The following SLC2A13 variants were observed in gnomAD, a reference collection of about 807,000 sequenced individuals.
SLC2A13 encodes proton myo-inositol cotransporter.
A neutral mutation model predicts 64.4 loss-of-function variants in SLC2A13; 32 were observed. The observed-to-expected ratio is 0.50, with a 90% CI of 0.37 to 0.67. SLC2A13 has a LOEUF of 0.67. Ranked by LOEUF, SLC2A13 falls within the 30% of genes least tolerant of loss-of-function variation. The probability of loss-of-function intolerance (pLI) is 0.00; values close to 1 mark genes in which losing one functional copy is unlikely to be tolerated. For missense variants in SLC2A13, 743 were observed against 829.2 expected (o/e 0.90, Z 1.28); for synonymous variants, 338 against 327.1 (o/e 1.03, Z -0.36).
At chr12:39,854,012 G>A (rs146185213) in intron 6 of SLC2A13, among the ~76,000 whole-genome samples, 1 of 151,954 alleles carries the variant, frequency 6.6e-6, no homozygotes, top group East Asian at 1.9e-4. Flanking sequence ...TCAATATGAG[G>A]GGCTTAAAAC....
At chr12:40,078,357 C>T (rs1389949443) in intron 1 of SLC2A13, among the ~76,000 whole-genome samples, 5 of 151,922 alleles carry the variant, frequency 3.3e-5, no homozygotes, top group East Asian at 1.9e-4. Context: ...TTTTTTTACA[C>T]GAAGGAATGT....
intron 6 of SLC2A13, among the ~76,000 whole-genome samples, chr12:39,863,227 T>A (rs1322770577): frequency 6.6e-6 from 1 of 152,144 alleles, no homozygotes; most frequent in African/African-American, 2.4e-5. Context: ...CCTTACATCA[T>A]AAGGATTAAC....
At chr12:40,046,869 C>T (rs1482213684) in intron 2 of SLC2A13, among the ~76,000 whole-genome samples, 1 of 151,952 alleles carries the variant, frequency 6.6e-6, no homozygotes, top group Admixed American at 6.6e-5. Context: ...AGTTTAATTC[C>T]CTGGGTCCAC....
At chr12:39,808,998 A>T (rs1942062341) in intron 7 of SLC2A13, among the ~76,000 whole-genome samples, 1 of 152,080 alleles carries the variant, frequency 6.6e-6, no homozygotes, top group East Asian at 1.9e-4. Context: ...GATGTCGCAA[A>T]GATTTCCTCC....
At chr12:39,898,832 T>A (rs1025272829) in intron 4 of SLC2A13, among the ~76,000 whole-genome samples, 1 of 152,142 alleles carries the variant, frequency 6.6e-6, no homozygotes, top group Non-Finnish European at 1.5e-5. Flanking sequence ...ACTTCACACA[T>A]TTTGGATGTT....
rs184118178 is a variant in SLC2A13 at position 40,043,415 on chromosome 12, A to T, written c.716+4636T>A. Among the ~76,000 whole-genome samples the T allele has an allele frequency of 1.4e-3, 207 of 152,176 alleles. 1 individual carries two copies. Among genetic ancestry groups the T allele is most frequent in the African/African-American group, 4.7e-3 (197 of 41,548 alleles). On this transcript the variant is annotated intron_variant, in intron 2 of 9. Transcript: ENST00000280871. ...GAAACTGAGGCAGGTGGCTCACTTG[A>T]GGTCAGGAGTTTGAGACCAGCCTGG...
chr12:40,105,131 TGGA>T lies in SLC2A13; in HGVS notation c.556+119_556+121del. On this transcript the variant is annotated intron_variant, in intron 1 of 9. Coordinates refer to ENST00000280871, the MANE Select transcript of SLC2A13 (RefSeq NM_052885.4). This position sits in a 1 kb window ranked among gnomAD's most constrained non-coding sequence, Gnocchi z 4.2. ...AGATGGGCTCTGGAGGCCAGAGAAGTGGAGGATTCTCTGACCCTGGGAGACCAG... is the reference window on the plus strand; with the variant it reads ...AGATGGGCTCTGGAGGCCAGAGAAGTGGATTCTCTGACCCTGGGAGACCAG... The T allele has an allele frequency of 7.9e-7, 1 of 1,272,182 alleles. No homozygotes were observed. Among genetic ancestry groups the T allele is most frequent in the Non-Finnish European group, 9.9e-7 (1 of 1,005,508 alleles). The allele number at this position is 1,272,182 out of a possible 1,614,324, so 78.8% of individuals were successfully genotyped here.
At position 39,911,797 on chromosome 12, in the gene SLC2A13, C is replaced by T. The variant is rs541073764; in HGVS notation, c.1034+39460G>A. On this transcript the variant is annotated intron_variant, in intron 4 of 9. Coordinates refer to ENST00000280871, the MANE Select transcript of SLC2A13 (RefSeq NM_052885.4). ...AGCTGGAAATTCAATGAGCCAAAGA[C>T]GGTGGGGGTATGTCTAAAAATTAGG... 1.2e-4 allele frequency among the ~76,000 whole-genome samples: 18 copies of T among 151,986 alleles called. 1 individual carries two copies. The highest frequency in any genetic ancestry group is 2.4e-4 in the African/African-American group (10 of 41,360).
At chr12:40,002,848 TA>T (rs34891399) in intron 3 of SLC2A13, among the ~76,000 whole-genome samples, 2,537 of 148,874 alleles carry the variant, frequency 0.017, 88 homozygotes, top group African/African-American at 0.058. Context: ...TATATTCCCC[TA>T]AAAAAAAAAA....
intron 3 of SLC2A13, among the ~76,000 whole-genome samples, chr12:39,988,107 A>G (rs530314271): frequency 6.6e-6 from 1 of 152,316 alleles, no homozygotes; most frequent in African/African-American, 2.4e-5. Flanking sequence ...AGATGTACAT[A>G]TCTTTGCATA....
At chr12:39,790,029 A>C (rs1941326976) in intron 7 of SLC2A13, among the ~76,000 whole-genome samples, 1 of 152,020 alleles carries the variant, frequency 6.6e-6, no homozygotes, top group African/African-American at 2.4e-5. Context: ...AGTTAATTTT[A>C]GTAATATATT....
At position 39,895,849 on chromosome 12, in the gene SLC2A13, TGTATATGCGTGTATATGCACAC is replaced by T. The variant is rs1565526634; in HGVS notation, c.1035-23910_1035-23889del. On this transcript the variant is annotated intron_variant, in intron 4 of 9. Coordinates refer to ENST00000280871, the MANE Select transcript of SLC2A13 (RefSeq NM_052885.4). ...ATATGCGTGTATATGCACACACATATGTATATGCGTGTATATGCACACACATATGTATATGCGTGTATATGCA... is the reference window on the plus strand; with the variant it reads ...ATATGCGTGTATATGCACACACATATACATATGTATATGCGTGTATATGCA... 1.6e-3 allele frequency among the ~76,000 whole-genome samples: 226 copies of T among 140,636 alleles called. 56 individuals are homozygous for T. The highest frequency in any genetic ancestry group is 0.014 in the East Asian group (52 of 3,846). 92.3% of individuals were successfully genotyped at this position (140,636 alleles called of 152,430 possible). A position where few individuals can be genotyped will look rare whatever the true frequency, so the allele number is the denominator to read the frequency against.
intron 1 of SLC2A13, among the ~76,000 whole-genome samples, chr12:40,094,064 A>T (rs1184207938): frequency 6.6e-6 from 1 of 152,152 alleles, no homozygotes; most frequent in Non-Finnish European, 1.5e-5. Flanking sequence ...ATTGTAGTGG[A>T]AGTGATAAGA....
chr12:39,847,237 A>G (rs1943343668), intron 6 of SLC2A13, among the ~76,000 whole-genome samples: 1 of 152,128 alleles, frequency 6.6e-6, no homozygotes, highest in African/African-American at 2.4e-5. Context: ...AAATTAACAT[A>G]TCCCCTAGCT....
intron 3 of SLC2A13, among the ~76,000 whole-genome samples, chr12:40,003,130 G>A (rs1947347436): frequency 6.6e-6 from 1 of 151,926 alleles, no homozygotes; most frequent in South Asian, 2.1e-4. Context: ...CTGTAAATAT[G>A]GACATTTATA....
chr12:39,862,749 T>C (rs1306855744), intron 6 of SLC2A13, among the ~76,000 whole-genome samples: 1 of 152,196 alleles, frequency 6.6e-6, no homozygotes, highest in African/African-American at 2.4e-5. Flanking sequence ...GGACCATATT[T>C]ATGGGGTACA....
intron 3 of SLC2A13, among the ~76,000 whole-genome samples, chr12:39,979,976 C>T (rs1333802206): frequency 2.0e-5 from 3 of 149,648 alleles, no homozygotes; most frequent in Admixed American, 6.7e-5. Flanking sequence ...GCGGATCTCT[C>T]GGCAGAAACC....
chr12:39,991,128 T>C (rs945587689), intron 3 of SLC2A13, among the ~76,000 whole-genome samples: 6 of 152,192 alleles, frequency 3.9e-5, no homozygotes, highest in Admixed American at 1.3e-4. Context: ...AGTTCAACCA[T>C]GAAAGACTGT....
chr12:39,929,079 C>A (rs1318631725), intron 4 of SLC2A13, among the ~76,000 whole-genome samples: 1 of 151,982 alleles, frequency 6.6e-6, no homozygotes, highest in Non-Finnish European at 1.5e-5. Flanking sequence ...AGGCCAGCAG[C>A]AAGGAGTGGC....
Sources: allele counts gnomAD v4.1 joint callset (sites outside exome capture counted in the v4.1 genomes callset), GRCh38; gene constraint gnomAD v4.1.1; non-coding constraint Gnocchi (gnomAD v3.1); transcripts MANE v1.5; gene names NCBI Gene and HGNC (gene_info 2026-07-23, HGNC 2026-07-21).